CHRM2: variants seen among roughly 807,000 people sequenced by gnomAD.
The protein encoded by CHRM2 is cholinergic receptor muscarinic 2.
A neutral mutation model predicts 25.0 loss-of-function variants in CHRM2; 8 were observed. The observed-to-expected ratio is 0.32, with a 90% CI of 0.19 to 0.58. The LOEUF is 0.58. CHRM2 is among the 20% of genes least tolerant of loss of function. The probability of loss-of-function intolerance (pLI) is 0.88; values close to 1 mark genes in which losing one functional copy is unlikely to be tolerated. For synonymous variants in CHRM2, 202 were observed against 205.7 expected, an observed-to-expected ratio of 0.98 and a Z score of 0.15; for missense variants, 440 against 567.1, an observed-to-expected ratio of 0.78 and a Z score of 2.28.
chr7:136,938,772 G>A (rs1317429934), intron 2 of CHRM2, among the ~76,000 whole-genome samples: 1 of 151,942 alleles, frequency 6.6e-6, no homozygotes, highest in African/African-American at 2.4e-5. Context: ...GTAGCACTGG[G>A]AACAGGAGAC....
At chr7:136,987,324 C>CTCTA (rs1802923741) in intron 2 of CHRM2, among the ~76,000 whole-genome samples, 1 of 152,206 alleles carries the variant, frequency 6.6e-6, no homozygotes, top group Admixed American at 6.5e-5. Flanking sequence ...CATATCCCAG[C>CTCTA]TCTATGTCAC....
intron 2 of CHRM2, among the ~76,000 whole-genome samples, chr7:136,967,434 T>C (rs1304262409): frequency 3.3e-5 from 5 of 151,996 alleles, no homozygotes; most frequent in African/African-American, 1.2e-4. Context: ...AAAAAGATCT[T>C]AACATTATGG....
intron 2 of CHRM2, among the ~76,000 whole-genome samples, chr7:136,955,904 CTTG>C (rs1441423671): frequency 6.6e-6 from 1 of 152,144 alleles, no homozygotes; most frequent in Non-Finnish European, 1.5e-5. Context: ...TCATTAACTA[CTTG>C]TTGTCTGCAC....
intron 2 of CHRM2, chr7:136,938,560 G>T: frequency 1.1e-6 from 1 of 906,636 alleles, no homozygotes; most frequent in Non-Finnish European, 1.9e-6. Flanking sequence ...CTCCCATGCC[G>T]CTGGCCCCAC....
rs189141242 is a variant in CHRM2, at chr7:136,984,515, C to T, written c.-124-7672C>T. On this transcript the variant is annotated intron_variant, in intron 2 of 3. Coordinates refer to ENST00000680005, the MANE Select transcript of CHRM2 (RefSeq NM_001006630.2). ...AAAAAAAAAACTTCTGCAACTAGCC[C>T]AGTGTCTGCCCAAAGGGCTGCCCAG... is the stretch of plus-strand genomic sequence containing the variant. 3.5e-3 allele frequency among the ~76,000 whole-genome samples: 527 copies of T among 152,208 alleles called. 4 individuals are homozygous for T. Among genetic ancestry groups the T allele is most frequent in the African/African-American group, 0.012 (486 of 41,526 alleles).
intron 2 of CHRM2, among the ~76,000 whole-genome samples, chr7:136,910,303 T>C (rs1797771910): frequency 6.6e-6 from 1 of 151,892 alleles, no homozygotes; most frequent in Admixed American, 6.6e-5. Flanking sequence ...ACAGTACACA[T>C]ATTAATTCTT....
chr7:136,914,546 T>G (rs756744241), intron 2 of CHRM2, among the ~76,000 whole-genome samples: 3 of 151,952 alleles, frequency 2.0e-5, no homozygotes, highest in Non-Finnish European at 4.4e-5. Flanking sequence ...AATATGTCCC[T>G]TTAAAATAAG....
chr7:136,920,514 A>G (rs565376581), intron 2 of CHRM2, among the ~76,000 whole-genome samples: 1 of 152,156 alleles, frequency 6.6e-6, no homozygotes, highest in East Asian at 1.9e-4. Flanking sequence ...GCATATTGAA[A>G]CTGCAGCTTA....
At position 137,016,959 on chromosome 7, in the gene CHRM2, G is replaced by A. The variant is rs1012876604; in HGVS notation, c.*693G>A. 1 of 166,106 alleles carries A rather than the reference G, an allele frequency of 6.0e-6. No individual in the cohort carries two copies. The highest frequency in any genetic ancestry group is 1.5e-5 in the Non-Finnish European group (1 of 68,004). The allele number at this position is 166,106 out of a possible 1,614,324, so 10.3% of individuals were successfully genotyped here. On this transcript the variant is annotated 3_prime_UTR_variant, in exon 4 of 4. Transcript: ENST00000680005. ...ATCCCTGTTCTATATTGTTTATAGG[G>A]AAAACCTACAGGACTTTCACTAAAG...
At chr7:136,885,135 T>A (rs1796413309) in intron 2 of CHRM2, among the ~76,000 whole-genome samples, 1 of 152,222 alleles carries the variant, frequency 6.6e-6, no homozygotes, top group African/African-American at 2.4e-5. Flanking sequence ...TTCATCTTCA[T>A]AGAGACCCAA....
intron 2 of CHRM2, among the ~76,000 whole-genome samples, chr7:136,971,350 G>A (rs1584851916): frequency 6.6e-6 from 1 of 152,044 alleles, no homozygotes; most frequent in African/African-American, 2.4e-5. Context: ...TTAAAGACTT[G>A]CTGGCCTGCA....
At chr7:137,005,456 ACCT>A (rs370009497) in intron 3 of CHRM2, among the ~76,000 whole-genome samples, 1 of 151,938 alleles carries the variant, frequency 6.6e-6, no homozygotes, top group East Asian at 1.9e-4. Flanking sequence ...TTCTATGTGC[ACCT>A]CCTAATATTT....
chr7:136,969,758 C>T (rs1801643407), intron 2 of CHRM2, among the ~76,000 whole-genome samples: 1 of 152,158 alleles, frequency 6.6e-6, no homozygotes, highest in Admixed American at 6.5e-5. Context: ...AAAAATGCTG[C>T]TTTCATTATT....
chr7:136,937,843 G>C (rs1799509133), intron 2 of CHRM2, among the ~76,000 whole-genome samples: 1 of 152,156 alleles, frequency 6.6e-6, no homozygotes, highest in Non-Finnish European at 1.5e-5. Flanking sequence ...AGGGGAAACA[G>C]AACTCAAATT....
At chr7:136,935,058 C>G (rs1282641174) in intron 2 of CHRM2, among the ~76,000 whole-genome samples, 7 of 152,006 alleles carry the variant, frequency 4.6e-5, no homozygotes, top group African/African-American at 1.7e-4. Flanking sequence ...ATCAATTGTT[C>G]TTTAGTTGTA....
intron 2 of CHRM2, chr7:136,870,213 C>T (rs1795764948): frequency 6.6e-6 from 1 of 152,418 alleles, no homozygotes; most frequent in Admixed American, 6.5e-5. Flanking sequence ...CCCGGGCAGT[C>T]CCCGGGGTCG....
intron 2 of CHRM2, among the ~76,000 whole-genome samples, chr7:136,894,472 A>G (rs1796812255): frequency 2.6e-5 from 4 of 152,062 alleles, no homozygotes; most frequent in Admixed American, 2.6e-4. Flanking sequence ...CCCAGGTTCA[A>G]GCAATTCTCC....
intron 2 of CHRM2, among the ~76,000 whole-genome samples, chr7:136,916,390 CTATTT>C (rs1798115176): frequency 6.6e-6 from 1 of 151,642 alleles, no homozygotes; most frequent in African/African-American, 2.4e-5. Flanking sequence ...ATTGAAGAGG[CTATTT>C]TATTTTTCTT....
At chr7:136,923,261 CTTT>C (rs5887816) in intron 2 of CHRM2, among the ~76,000 whole-genome samples, 16 of 139,392 alleles carry the variant, frequency 1.1e-4, no homozygotes, top group African/African-American at 1.6e-4. Flanking sequence ...TACTTATTAG[CTTT>C]TTTTTTTTTT....
Sources: allele counts gnomAD v4.1 joint callset (sites outside exome capture counted in the v4.1 genomes callset), GRCh38; gene constraint gnomAD v4.1.1; transcripts MANE v1.5; gene names NCBI Gene and HGNC (gene_info 2026-07-23, HGNC 2026-07-21).